Variants in LRP1B observed in about 807,000 individuals in gnomAD.
LRP1B encodes the protein LDL receptor related protein 1B, also known as low-density lipoprotein receptor-related protein 1B.
In LRP1B, 217 loss-of-function variants were observed where a neutral mutation model predicts 556.6. The ratio of observed to expected loss-of-function variants is 0.39; its 90% CI spans 0.35 to 0.44. The LOEUF is 0.44. Among genes scored for constraint, LRP1B ranks in the 20% least tolerant of loss-of-function variants. The pLI, the probability that LRP1B is intolerant of heterozygous loss-of-function variation, is 1.00. For synonymous variants in LRP1B, 2,047 were observed against 1,865.8 expected (o/e 1.10, Z -2.50); for missense variants, 5,053 against 5,620.8 (o/e 0.90, Z 3.23).
In LRP1B at chr2:140,607,653, A is replaced by T. The variant is rs904185618; in HGVS notation, c.6800-6014T>A. Among the ~76,000 whole-genome samples, 9 of 142,720 alleles carry T rather than the reference A, an allele frequency of 6.3e-5. No individual in the cohort carries two copies. In the Admixed American group the frequency reaches 6.7e-4, roughly 11 times the overall value. 93.6% of individuals were successfully genotyped at this position (142,720 alleles called of 152,430 possible). A position where few individuals can be genotyped will look rare whatever the true frequency, so the allele number is the denominator to read the frequency against. On this transcript the variant is annotated intron_variant, in intron 41 of 90. Coordinates refer to ENST00000389484, the MANE Select transcript of LRP1B (RefSeq NM_018557.3). The stretch of plus-strand genomic sequence containing the variant: ...TCTTTACACACACACACACACACAC[A>T]CACACATAGACGTGTGTGTGTATAT...
intron 1 of LRP1B, among the ~76,000 whole-genome samples, chr2:141,936,405 CAT>C (rs757284493): frequency 2.0e-5 from 3 of 152,040 alleles, no homozygotes; most frequent in Non-Finnish European, 4.4e-5. Flanking sequence ...ATACAAAAAT[CAT>C]ATGTTTCTAT....
At chr2:140,305,114 G>T (rs867990613) in intron 83 of LRP1B, among the ~76,000 whole-genome samples, 2 of 152,184 alleles carry the variant, frequency 1.3e-5, no homozygotes, top group African/African-American at 2.4e-5. Flanking sequence ...TGTTCTTTTG[G>T]CTTAGGATTG....
Position 140,684,112 on chromosome 2 carries a change from CG to C in LRP1B, c.6799+16137del, listed in dbSNP as rs760279562. On this transcript the variant is annotated intron_variant, in intron 41 of 90. Transcript: ENST00000389484. Reference sequence around the variant, plus strand: ...AAATCAGAGAGTGAGAAAAAAATGACGGAATCTATAAAATAGGTTATAAGTA... The same window carrying C: ...AAATCAGAGAGTGAGAAAAAAATGACGAATCTATAAAATAGGTTATAAGTA... 2.1e-3 allele frequency among the ~76,000 whole-genome samples: 314 copies of C among 152,248 alleles called. 6 individuals carry two copies. The highest frequency in any genetic ancestry group is 2.1e-3 in the East Asian group (11 of 5,168).
intron 2 of LRP1B, 132 bp downstream of exon 2, chr2:141,810,147 A>G (rs1558890981): frequency 1.7e-5 from 8 of 475,174 alleles, no homozygotes; most frequent in East Asian, 4.0e-5. Context: ...GAAAGAAAGA[A>G]AGAAAGAAAG....
At chr2:141,782,039 T>G (rs1695272204) in intron 2 of LRP1B, among the ~76,000 whole-genome samples, 1 of 152,150 alleles carries the variant, frequency 6.6e-6, no homozygotes. Context: ...AAAAAACACC[T>G]CAAGACTGAG....
intron 1 of LRP1B, among the ~76,000 whole-genome samples, chr2:141,856,637 A>T (rs1194815448): frequency 2.0e-5 from 3 of 152,178 alleles, no homozygotes; most frequent in Non-Finnish European, 2.9e-5. Flanking sequence ...ATTTTTAAAA[A>T]TGTGAAAACC....
chr2:141,629,613 T>G (rs1445673289), intron 2 of LRP1B, among the ~76,000 whole-genome samples: 1 of 152,180 alleles, frequency 6.6e-6, no homozygotes, highest in African/African-American at 2.4e-5. Context: ...TGAGTGATAC[T>G]TGCCCTGAAA....
intron 76 of LRP1B, 29 bp downstream of exon 76, chr2:140,352,924 A>G (rs1442930429): frequency 1.3e-6 from 2 of 1,584,398 alleles, no homozygotes; most frequent in South Asian, 1.2e-5. Flanking sequence ...AAATTGTAAT[A>G]GGATTTGCAA....
At chr2:140,799,868 G>C (rs1000776674) in intron 32 of LRP1B, among the ~76,000 whole-genome samples, 2 of 152,088 alleles carry the variant, frequency 1.3e-5, no homozygotes, top group Admixed American at 1.3e-4. Flanking sequence ...TTCCAACTGA[G>C]GTACCAGGTT....
At chr2:140,435,290 C>T (rs1686125123) in intron 66 of LRP1B, among the ~76,000 whole-genome samples, 1 of 151,922 alleles carries the variant, frequency 6.6e-6, no homozygotes, top group African/African-American at 2.4e-5. Context: ...TCACATACTA[C>T]TAAAAATCTG....
chr2:140,747,553 T>A (rs771546308), intron 35 of LRP1B, among the ~76,000 whole-genome samples: 16 of 152,114 alleles, frequency 1.1e-4, no homozygotes, highest in Non-Finnish European at 2.4e-4. Flanking sequence ...AGATTCCATC[T>A]CCCTCAATGG....
At chr2:141,568,166 A>T (rs750289096) in intron 2 of LRP1B, among the ~76,000 whole-genome samples, 3 of 151,230 alleles carry the variant, frequency 2.0e-5, no homozygotes, top group Non-Finnish European at 4.4e-5. Context: ...AGAAGCTTGG[A>T]CATAAGTGCG....
chr2:140,868,061 T>TAA (rs565764708), intron 26 of LRP1B, 38 bp downstream of exon 26: 15 of 1,198,386 alleles, frequency 1.3e-5, no homozygotes, highest in South Asian at 3.2e-5. Context: ...ATTATCTAAG[T>TAA]AAAAAAAAAA....
intron 43 of LRP1B, among the ~76,000 whole-genome samples, chr2:140,584,252 C>T (rs1412880656): frequency 6.6e-6 from 1 of 151,878 alleles, no homozygotes; most frequent in African/African-American, 2.4e-5. Context: ...TTTATGAATT[C>T]AAACATGAAA....
chr2:141,985,148 G>C (rs1367709913), intron 1 of LRP1B, among the ~76,000 whole-genome samples: 1 of 152,134 alleles, frequency 6.6e-6, no homozygotes, highest in Non-Finnish European at 1.5e-5. Flanking sequence ...CTGGAAAGAA[G>C]TTGAGGGTCA....
chr2:140,378,165 T>C lies in LRP1B; in HGVS notation c.10638+15A>G. 1 of 1,570,490 alleles carries C rather than the reference T, an allele frequency of 6.4e-7. No individual in the cohort carries two copies. The highest frequency in any genetic ancestry group is 8.7e-7 in the Non-Finnish European group (1 of 1,146,978). ...TAAAGCGCTGCTTTCTTTTTGATTT[T>C]ACAAAGATGCCTACCTCATCAGAGC... On this transcript the variant is annotated intron_variant, in intron 68 of 90. Transcript: ENST00000389484.
chr2:141,691,465 A>AACACACACACACAAACACACACACACAC (rs1691527321), intron 2 of LRP1B, among the ~76,000 whole-genome samples: 2 of 133,180 alleles, frequency 1.5e-5, no homozygotes, highest in Admixed American at 7.6e-5. Context: ...GTAATCAGCC[A>AACACACACACACAAACACACACACACAC]ACACACACAC....
intron 25 of LRP1B, among the ~76,000 whole-genome samples, chr2:140,874,326 T>C (rs1292248318): frequency 6.6e-6 from 1 of 152,176 alleles, no homozygotes; most frequent in Non-Finnish European, 1.5e-5. Context: ...TCTCACTGTT[T>C]TTGATTTTCT....
intron 2 of LRP1B, among the ~76,000 whole-genome samples, chr2:141,657,143 G>A (rs994559379): frequency 2.0e-5 from 3 of 151,910 alleles, no homozygotes; most frequent in Non-Finnish European, 4.4e-5. Flanking sequence ...ATTATTATGT[G>A]TACATAATTA....
Sources: allele counts gnomAD v4.1 joint callset (sites outside exome capture counted in the v4.1 genomes callset), GRCh38; gene constraint gnomAD v4.1.1; transcripts MANE v1.5; gene names NCBI Gene and HGNC (gene_info 2026-07-23, HGNC 2026-07-21).